KHDRBS3: variants seen among roughly 807,000 people sequenced by gnomAD.
KHDRBS3 encodes KH RNA binding domain containing, signal transduction associated 3, also known as KH domain-containing, RNA-binding, signal transduction-associated protein 3.
A neutral mutation model predicts 45.6 loss-of-function variants in KHDRBS3; 23 were observed. The ratio of observed to expected loss-of-function variants is 0.50; its 90% confidence interval spans 0.36 to 0.72. KHDRBS3 has a LOEUF of 0.72. Ranked by LOEUF, KHDRBS3 falls within the 30% of genes least tolerant of loss-of-function variation. The probability of loss-of-function intolerance (pLI) is 0.00; values close to 1 mark genes in which losing one functional copy is unlikely to be tolerated. For missense variants in KHDRBS3, 352 were observed against 424.8 expected (o/e 0.83, Z 1.51); for synonymous variants, 162 against 156.5 (o/e 1.04, Z -0.26).
intron 6 of KHDRBS3, among the ~76,000 whole-genome samples, chr8:135,599,045 G>C (rs1249231194): frequency 1.3e-5 from 2 of 152,178 alleles, no homozygotes; most frequent in African/African-American, 4.8e-5. Flanking sequence ...AGGTCATACT[G>C]TTTCCTTTAT....
chr8:135,486,626 C>T (rs1657763084), intron 1 of KHDRBS3, among the ~76,000 whole-genome samples: 1 of 152,170 alleles, frequency 6.6e-6, no homozygotes, highest in African/African-American at 2.4e-5. Context: ...TGAATGGCTT[C>T]CTCAGCTTCA....
At chr8:135,491,807 T>C (rs1420420991) in intron 1 of KHDRBS3, among the ~76,000 whole-genome samples, 1 of 152,176 alleles carries the variant, frequency 6.6e-6, no homozygotes, top group African/African-American at 2.4e-5. Flanking sequence ...TTTTTACTTA[T>C]AATTCAGAAG....
intron 5 of KHDRBS3, among the ~76,000 whole-genome samples, chr8:135,568,761 TAAAG>T (rs1334311324): frequency 3.3e-5 from 5 of 152,246 alleles, no homozygotes; most frequent in Non-Finnish European, 7.3e-5. Flanking sequence ...TTTAAGACGT[TAAAG>T]AAGACTGACC....
chr8:135,645,689 A>G (rs922463191), intron 8 of KHDRBS3, among the ~76,000 whole-genome samples: 2 of 152,234 alleles, frequency 1.3e-5, no homozygotes, highest in African/African-American at 2.4e-5. Context: ...TGGGGACTTC[A>G]TGTCCAAAGT....
rs563813024 is a variant in KHDRBS3, at chr8:135,599,504, A to G, written c.808-7451A>G. Among the ~76,000 whole-genome samples the G allele has an allele frequency of 2.0e-5, 3 of 152,340 alleles. No homozygotes were observed. The South Asian group carries it at 6.2e-4, about 32-fold the overall frequency. Reference sequence around the variant, plus strand: ...TGTAATACAGACTGCATTTTATTATACAGTATTTCCTCAAGTTGCATTCTT... The same window carrying G: ...TGTAATACAGACTGCATTTTATTATGCAGTATTTCCTCAAGTTGCATTCTT... On this transcript the variant is annotated intron_variant, in intron 6 of 8. Coordinates refer to ENST00000355849, the MANE Select transcript of KHDRBS3 (RefSeq NM_006558.3).
intron 6 of KHDRBS3, among the ~76,000 whole-genome samples, chr8:135,605,530 C>T (rs1367145142): frequency 6.6e-6 from 1 of 152,046 alleles, no homozygotes; most frequent in Non-Finnish European, 1.5e-5. Context: ...TGATGAGACA[C>T]TGTTCTTATA....
chr8:135,601,872 T>G (rs184579348), intron 6 of KHDRBS3, among the ~76,000 whole-genome samples: 10 of 152,278 alleles, frequency 6.6e-5, no homozygotes, highest in African/African-American at 2.4e-4. Context: ...CAGAAACATC[T>G]ACTGAAGAAT....
At chr8:135,575,600 A>T (rs1379766849) in intron 5 of KHDRBS3, among the ~76,000 whole-genome samples, 1 of 152,240 alleles carries the variant, frequency 6.6e-6, no homozygotes, top group African/African-American at 2.4e-5. Context: ...CTTATTGGCC[A>T]GAATTGGATC....
intron 6 of KHDRBS3, among the ~76,000 whole-genome samples, chr8:135,585,810 G>A (rs1236778520): frequency 6.6e-6 from 1 of 152,148 alleles, no homozygotes; most frequent in East Asian, 1.9e-4. Flanking sequence ...TTGGCACATT[G>A]TAAGCACTTA....
intron 6 of KHDRBS3, among the ~76,000 whole-genome samples, chr8:135,592,500 A>G (rs1017262913): frequency 6.6e-6 from 1 of 152,212 alleles, no homozygotes; most frequent in Non-Finnish European, 1.5e-5. Context: ...TTCCTTTGTT[A>G]TAATGGACTA....
intron 7 of KHDRBS3, among the ~76,000 whole-genome samples, chr8:135,631,400 T>C (rs1830597048): frequency 6.6e-6 from 1 of 152,158 alleles, no homozygotes; most frequent in Non-Finnish European, 1.5e-5. Context: ...TGTACAACTA[T>C]ACAAAAATGT....
intron 7 of KHDRBS3, among the ~76,000 whole-genome samples, chr8:135,640,109 A>G (rs1043455599): frequency 6.6e-6 from 1 of 152,170 alleles, no homozygotes; most frequent in African/African-American, 2.4e-5. Context: ...TGGAGCATGA[A>G]TTCCAGAGGG....
chr8:135,552,454 C>G (rs1388075530), intron 4 of KHDRBS3, among the ~76,000 whole-genome samples: 3 of 152,108 alleles, frequency 2.0e-5, no homozygotes, highest in African/African-American at 7.2e-5. Context: ...TCTTTTGTTG[C>G]AATTCCAACA....
chr8:135,491,895 G>A (rs927727982), intron 1 of KHDRBS3, among the ~76,000 whole-genome samples: 8 of 151,142 alleles, frequency 5.3e-5, no homozygotes, highest in African/African-American at 1.9e-4. Flanking sequence ...AAACAGTACT[G>A]GTAGTAATTT....
intron 1 of KHDRBS3, among the ~76,000 whole-genome samples, chr8:135,502,207 C>T (rs1291526656): frequency 1.3e-5 from 2 of 152,170 alleles, no homozygotes; most frequent in East Asian, 1.9e-4. Context: ...TCTCCCTAGA[C>T]TTCCCAGTCC....
chr8:135,485,762 C>G (rs1185649027), intron 1 of KHDRBS3, among the ~76,000 whole-genome samples: 1 of 150,150 alleles, frequency 6.7e-6, no homozygotes, highest in Non-Finnish European at 1.5e-5. Flanking sequence ...CAGGCCTTCA[C>G]CCAAGCATTT....
At chr8:135,535,974 G>A (rs1825726068) in intron 2 of KHDRBS3, among the ~76,000 whole-genome samples, 1 of 152,098 alleles carries the variant, frequency 6.6e-6, no homozygotes, top group Non-Finnish European at 1.5e-5. Context: ...TATCTCCCCA[G>A]GGGAAGTGGT....
At chr8:135,623,905 CAG>C (rs1275954495) in intron 7 of KHDRBS3, among the ~76,000 whole-genome samples, 3 of 152,262 alleles carry the variant, frequency 2.0e-5, no homozygotes, top group African/African-American at 7.2e-5. Flanking sequence ...GCAAATACAT[CAG>C]GGGCTGAACA....
chr8:135,641,945 GCT>G (rs1831075514), intron 7 of KHDRBS3, among the ~76,000 whole-genome samples: 1 of 152,138 alleles, frequency 6.6e-6, no homozygotes, highest in Non-Finnish European at 1.5e-5. Flanking sequence ...AAATTGATCT[GCT>G]CTCTTTTCAG....
Sources: gnomAD v4.1 joint callset for allele counts (sites outside exome capture counted in the v4.1 genomes callset) on GRCh38, gnomAD v4.1.1 for gene constraint, MANE v1.5 for transcripts, NCBI Gene and HGNC (gene_info 2026-07-23, HGNC 2026-07-21) for gene names.